Variants in XKRX observed in about 807,000 individuals in gnomAD.
XKRX encodes XK-related protein 2.
In XKRX, 11 loss-of-function variants were observed where a neutral mutation model predicts 22.4. That is an observed-to-expected ratio of 0.49 (90% CI 0.31 to 0.81). The LOEUF (loss-of-function observed/expected upper bound fraction) is 0.81. Among genes scored for constraint, XKRX ranks in the 40% least tolerant of loss-of-function variants. XKRX has a pLI of 0.05. For synonymous variants in XKRX, 114 were observed against 132.2 expected, an observed-to-expected ratio of 0.86 and a Z score of 0.94; for missense variants, 320 against 336.5, an observed-to-expected ratio of 0.95 and a Z score of 0.38.
At chrX:100,904,383 A>T in the XKRX span, among the ~76,000 whole-genome samples, 1 of 112,657 alleles carries the variant, frequency 8.9e-6, no homozygotes, top group South Asian at 3.7e-4. Context: ...TGTAAAACAC[A>T]AAATGATAAA....
the XKRX span, among the ~76,000 whole-genome samples, chrX:100,901,812 C>G: frequency 9.0e-6 from 1 of 110,504 alleles, no homozygotes; most frequent in Admixed American, 9.7e-5. Context: ...CTAGCCGGAC[C>G]AACATGGTGA....
the XKRX span, among the ~76,000 whole-genome samples, chrX:100,901,231 T>A: frequency 9.0e-6 from 1 of 111,567 alleles, no homozygotes; most frequent in Non-Finnish European, 1.9e-5. Context: ...AAAGAAAGAA[T>A]AATGGGAGAA....
At chrX:100,948,752 C>G in the XKRX span, among the ~76,000 whole-genome samples, 10 of 112,764 alleles carry the variant, frequency 8.9e-5, no homozygotes, top group East Asian at 2.8e-3. Flanking sequence ...GGCAGGGCAA[C>G]TAGGCCCTGC....
At chrX:100,956,840 T>C in the XKRX span, 1 of 651,763 alleles carries the variant, frequency 1.5e-6, no homozygotes, top group African/African-American at 2.1e-5. Context: ...GTAGTGTATT[T>C]TGGTAACGAA....
chrX:100,897,515 G>A, the XKRX span, among the ~76,000 whole-genome samples: 14,625 of 102,984 alleles, frequency 0.14, 926 homozygotes, highest in Non-Finnish European at 0.17. Context: ...AACCGGGGAG[G>A]TGGAGGTTGC....
At chrX:100,898,594 C>CAAAA in the XKRX span, among the ~76,000 whole-genome samples, 2 of 85,702 alleles carry the variant, frequency 2.3e-5, no homozygotes, top group African/African-American at 8.4e-5. Flanking sequence ...TAAACAACAA[C>CAAAA]AACAAAAAAA....
chrX:100,897,731 T>C, the XKRX span, among the ~76,000 whole-genome samples: 1 of 105,570 alleles, frequency 9.5e-6, no homozygotes, highest in African/African-American at 3.5e-5. Flanking sequence ...CACCCAGCCT[T>C]TGGTCTTTCA....
At chrX:100,929,549 C>T (rs1343343193), upstream of XKRX, 1 of 111,326 alleles carries the variant, frequency 9.0e-6, no homozygotes, top group Non-Finnish European at 1.9e-5. Flanking sequence ...CTCCCTCCGC[C>T]GCAGGGTGGA....
At chrX:100,916,077 CCA>C (rs72334101) in intron 2 of XKRX, among the ~76,000 whole-genome samples, 8,789 of 96,899 alleles carry the variant, frequency 0.091, 817 homozygotes, top group African/African-American at 0.27. Context: ...TTAAGTTTTA[CCA>C]CACACACACA....
the XKRX span, among the ~76,000 whole-genome samples, chrX:100,934,645 A>G: frequency 8.9e-6 from 1 of 112,066 alleles, no homozygotes; most frequent in African/African-American, 3.2e-5. Context: ...GACACATAAT[A>G]TTAACCACAA....
At chrX:100,887,081 G>T in the XKRX span, among the ~76,000 whole-genome samples, 139 of 111,886 alleles carry the variant, frequency 1.2e-3, no homozygotes, top group African/African-American at 4.5e-3. Context: ...CCATGATTTT[G>T]CTTGGGTAGT....
intron 1 of XKRX, among the ~76,000 whole-genome samples, chrX:100,927,633 T>G (rs1311394643): frequency 2.7e-5 from 3 of 110,869 alleles, no homozygotes; most frequent in Non-Finnish European, 5.7e-5. Flanking sequence ...AGCAAGACCT[T>G]GTCTCAGAAA....
the XKRX span, among the ~76,000 whole-genome samples, chrX:100,893,356 G>A: frequency 8.9e-6 from 1 of 111,969 alleles, no homozygotes; most frequent in African/African-American, 3.2e-5. Context: ...GTATATCACT[G>A]TTGGTGAGGA....
chrX:100,915,159 A>C (rs2085427846), intron 2 of XKRX, 76 bp from the exon 3 acceptor site: 2 of 1,057,797 alleles, frequency 1.9e-6, no homozygotes, highest in African/African-American at 3.7e-5. Context: ...TATAACCCAG[A>C]GGTCCAGAGA....
chrX:100,917,067 C>T (rs7064342), intron 2 of XKRX, among the ~76,000 whole-genome samples: 6,734 of 110,906 alleles, frequency 0.061, 431 homozygotes, highest in African/African-American at 0.19. Context: ...AATAGTGGGC[C>T]GTGATTGCAC....
intron 2 of XKRX, among the ~76,000 whole-genome samples, chrX:100,915,581 T>C (rs2085430472): frequency 9.0e-6 from 1 of 111,076 alleles, no homozygotes; most frequent in Admixed American, 9.6e-5. Flanking sequence ...CAAAGAGATA[T>C]CTGCACTCTC....
chrX:100,898,388 C>G, the XKRX span, among the ~76,000 whole-genome samples: 1 of 100,472 alleles, frequency 1.0e-5, no homozygotes, highest in Non-Finnish European at 2.0e-5. Flanking sequence ...AAGGGCTTGC[C>G]TTTTTTTTTT....
chrX:100,887,181 A>C, the XKRX span, among the ~76,000 whole-genome samples: 24 of 111,855 alleles, frequency 2.1e-4, no homozygotes, highest in African/African-American at 7.8e-4. Context: ...CCACCCAAGC[A>C]GGTTGTATGT....
At chrX:100,917,588 A>G (rs59867847) in intron 2 of XKRX, among the ~76,000 whole-genome samples, 1 of 103,399 alleles carries the variant, frequency 9.7e-6, no homozygotes, top group Non-Finnish European at 2.0e-5. Flanking sequence ...AGAGAAAGAA[A>G]AGAAAGAAAA....
Sources: gnomAD v4.1 joint callset for allele counts (sites outside exome capture counted in the v4.1 genomes callset) on GRCh38, gnomAD v4.1.1 for gene constraint, MANE v1.5 for transcripts, NCBI Gene and HGNC (gene_info 2026-07-23, HGNC 2026-07-21) for gene names.